CDH18: variants seen among roughly 807,000 people sequenced by gnomAD.
The protein encoded by CDH18 is cadherin 18.
A neutral mutation model predicts 67.9 loss-of-function variants in CDH18; 31 were observed. The ratio of observed to expected loss-of-function variants is 0.46; its 90% CI spans 0.34 to 0.62. CDH18 has a LOEUF of 0.62. CDH18 is among the 20% of genes least tolerant of loss of function. CDH18 has a pLI of 0.01. For synonymous variants in CDH18, 362 were observed against 347.2 expected (o/e 1.04, Z -0.48); for missense variants, 890 against 975.5 (o/e 0.91, Z 1.17).
chr5:19,553,252 C>T (rs1737784113), intron 8 of CDH18, among the ~76,000 whole-genome samples: 1 of 152,040 alleles, frequency 6.6e-6, no homozygotes, highest in African/African-American at 2.4e-5. Context: ...CTTCAGTCCT[C>T]AGTGGCACTT....
At chr5:19,817,914 T>A (rs912737415) in intron 3 of CDH18, among the ~76,000 whole-genome samples, 1 of 152,158 alleles carries the variant, frequency 6.6e-6, no homozygotes, top group African/African-American at 2.4e-5. Flanking sequence ...AATACATAAA[T>A]AAATTTGTGT....
chr5:20,447,073 T>A (rs937196716), intron 1 of CDH18, among the ~76,000 whole-genome samples: 1 of 152,188 alleles, frequency 6.6e-6, no homozygotes, highest in Non-Finnish European at 1.5e-5. Context: ...AACATTTAAC[T>A]TTGTTACTCT....
At chr5:20,297,670 C>T (rs1470446114) in intron 1 of CDH18, among the ~76,000 whole-genome samples, 1 of 152,052 alleles carries the variant, frequency 6.6e-6, no homozygotes, top group African/African-American at 2.4e-5. Flanking sequence ...ATAACTAGTG[C>T]CAAATGTCAC....
chr5:19,639,002 T>G (rs57517568), intron 5 of CDH18, among the ~76,000 whole-genome samples: 5,706 of 37,392 alleles, frequency 0.15, 442 homozygotes, highest in African/African-American at 0.23. Context: ...TTTTTTTTTT[T>G]TTGTTTGTTT....
intron 2 of CDH18, among the ~76,000 whole-genome samples, chr5:19,873,221 C>T (rs1291024801): frequency 1.3e-5 from 2 of 149,494 alleles, no homozygotes; most frequent in African/African-American, 4.9e-5. Flanking sequence ...AAAAAAAAGC[C>T]TGAACAAGCA....
chr5:20,338,537 GA>G (rs1739979676), intron 1 of CDH18, among the ~76,000 whole-genome samples: 1 of 152,144 alleles, frequency 6.6e-6, no homozygotes, highest in Non-Finnish European at 1.5e-5. Flanking sequence ...GTATGATAGG[GA>G]AAAAGAAGAA....
rs1264567583 is a variant in CDH18 at position 20,242,631 on chromosome 5, T to TATAC, written c.-518+12812_-518+12813insGTAT. Among the ~76,000 whole-genome samples the TATAC allele has an allele frequency of 1.1e-3, 99 of 91,246 alleles. 8 individuals are homozygous for TATAC. Among genetic ancestry groups the TATAC allele is most frequent in the African/African-American group, 3.5e-3 (59 of 16,848 alleles). The allele number at this position is 91,246 out of a possible 152,430, so 59.9% of individuals were successfully genotyped here. The stretch of plus-strand genomic sequence containing the variant: ...AAAAAAATATATATATATATATATA[T>TATAC]ATGTATATATATATATATATGTAAA... On this transcript the variant is annotated intron_variant, in intron 2 of 14. Transcript: ENST00000507958.
intron 9 of CDH18, among the ~76,000 whole-genome samples, chr5:19,537,331 T>C (rs145318527): frequency 8.9e-4 from 135 of 152,248 alleles, no homozygotes; most frequent in Non-Finnish European, 1.5e-3. Context: ...TCCATAATCA[T>C]GTGAGCCAAT....
At chr5:19,703,125 G>C (rs527940691) in intron 5 of CDH18, among the ~76,000 whole-genome samples, 10 of 152,158 alleles carry the variant, frequency 6.6e-5, no homozygotes, top group South Asian at 4.2e-4. Context: ...ATATTTCTCT[G>C]TGTGTGTGTG....
chr5:19,992,422 T>G (rs1579976333), upstream of CDH18, among the ~76,000 whole-genome samples: 1 of 140,704 alleles, frequency 7.1e-6, no homozygotes, highest in East Asian at 2.0e-4. Context: ...AGTATTAAAA[T>G]AGAAAATATA....
rs1270960698 is a variant in CDH18 at position 19,994,847 on chromosome 5, T to TAG, written c.-517-2834_-517-2833insCT. ...TAAAGAGAATATATATATATATATA[T>TAG]ATATATATAGAGAGAGAGAGAGAGA... On this transcript the variant is annotated intron_variant, in intron 2 of 14. Coordinates refer to the CDH18 transcript ENST00000507958. Among the ~76,000 whole-genome samples the TAG allele has an allele frequency of 5.4e-3, 175 of 32,166 alleles. 12 individuals are homozygous for TAG. Among genetic ancestry groups the TAG allele is most frequent in the South Asian group, 0.01 (7 of 688 alleles). The allele number at this position is 32,166 out of a possible 152,430, so 21.1% of individuals were successfully genotyped here.
chr5:20,142,865 C>T (rs1182497679), intron 2 of CDH18, among the ~76,000 whole-genome samples: 1 of 152,190 alleles, frequency 6.6e-6, no homozygotes, highest in Non-Finnish European at 1.5e-5. Flanking sequence ...GTGAAGCTAT[C>T]AGTGTCTGAT....
chr5:20,026,629 A>C (rs753004743), intron 2 of CDH18, among the ~76,000 whole-genome samples: 1 of 152,252 alleles, frequency 6.6e-6, no homozygotes, highest in Non-Finnish European at 1.5e-5. Flanking sequence ...AGTGCTACAC[A>C]TAAGATCAAC....
intron 1 of CDH18, among the ~76,000 whole-genome samples, chr5:20,549,163 T>C (rs1757499842): frequency 6.6e-6 from 1 of 152,180 alleles, no homozygotes; most frequent in African/African-American, 2.4e-5. Context: ...GATTCATAAC[T>C]TGCTCTAAAT....
At chr5:20,045,416 G>A (rs112216380) in intron 2 of CDH18, among the ~76,000 whole-genome samples, 2,322 of 151,980 alleles carry the variant, frequency 0.015, 59 homozygotes, top group African/African-American at 0.052. Flanking sequence ...CAATTCCCAG[G>A]GAAGATCAAA....
chr5:20,235,473 C>A (rs1157837001), intron 2 of CDH18, among the ~76,000 whole-genome samples: 1 of 152,048 alleles, frequency 6.6e-6, no homozygotes, highest in Non-Finnish European at 1.5e-5. Context: ...AAGGTCATGA[C>A]AAACACGTCT....
At chr5:20,084,648 T>C (rs566422294) in intron 2 of CDH18, among the ~76,000 whole-genome samples, 1 of 152,164 alleles carries the variant, frequency 6.6e-6, no homozygotes, top group Non-Finnish European at 1.5e-5. Context: ...CATTCAGGCA[T>C]TTTCATACAT....
intron 3 of CDH18, among the ~76,000 whole-genome samples, chr5:19,781,308 A>G (rs1775084611): frequency 6.6e-6 from 1 of 152,080 alleles, no homozygotes; most frequent in Admixed American, 6.6e-5. Context: ...TCCTGTATGA[A>G]ATAAAATCAC....
chr5:19,861,173 C>T lies in CDH18; in HGVS notation c.-256-21931G>A, dbSNP rs553213115. Among the ~76,000 whole-genome samples the T allele has an allele frequency of 3.3e-5, 5 of 152,228 alleles. No homozygotes were observed. The South Asian group carries it at 1.0e-3, about 32-fold the overall frequency. On this transcript the variant is annotated intron_variant, in intron 2 of 12. Transcript: ENST00000382275. Reference sequence around the variant, plus strand: ...CCTCATGCATTTCTGTACAAACTTGCATATTCAGTAGTAGTAATTGCCTCC... The same window carrying T: ...CCTCATGCATTTCTGTACAAACTTGTATATTCAGTAGTAGTAATTGCCTCC...
Sources: gnomAD v4.1 joint callset for allele counts (sites outside exome capture counted in the v4.1 genomes callset) on GRCh38, gnomAD v4.1.1 for gene constraint, MANE v1.5 for transcripts, NCBI Gene and HGNC (gene_info 2026-07-23, HGNC 2026-07-21) for gene names.